Variants in JAK1 observed in about 807,000 individuals in gnomAD.
The protein encoded by JAK1 is tyrosine-protein kinase JAK1.
JAK1 carries 16 observed loss-of-function variants against 136.6 expected under a neutral mutation model. The observed-to-expected ratio is 0.12, with a 90% CI of 0.08 to 0.18. The LOEUF (loss-of-function observed/expected upper bound fraction) is 0.18. Ranked by LOEUF, JAK1 falls within the 10% of genes least tolerant of loss-of-function variation. The pLI is 1.00. For missense variants in JAK1, 859 were observed against 1,450.1 expected (o/e 0.59, Z 6.62); for synonymous variants, 492 against 519.5 (o/e 0.95, Z 0.72).
chr1:65,062,486 G>A lies in JAK1; in HGVS notation c.-181+5118C>T, dbSNP rs553678475. ...GATTTTCAAATTCCCTTAATGGACAGCTAAAGGAGCCAATACCAAAGACTT... is the reference window on the plus strand; with the variant it reads ...GATTTTCAAATTCCCTTAATGGACAACTAAAGGAGCCAATACCAAAGACTT... On this transcript the variant is annotated intron_variant, in intron 1 of 25. Transcript: ENST00000671954. Among the ~76,000 whole-genome samples the A allele has an allele frequency of 3.3e-5, 5 of 152,314 alleles. No individual in the cohort carries two copies. The East Asian group carries it at 9.6e-4, about 29-fold the overall frequency.
rs541915122 is a variant in JAK1, at chr1:64,961,082, G to A, written c.-78+5251C>T. On this transcript the variant is annotated intron_variant, in intron 1 of 24. Transcript: ENST00000342505. ...CTTGCCTCTGAGAACATGTCTTCCT[G>A]TATTCATCCACTTAACAACTCTTGC... is the stretch of plus-strand genomic sequence containing the variant. Among the ~76,000 whole-genome samples the A allele has an allele frequency of 5.9e-5, 9 of 152,194 alleles. 1 individual carries two copies. The South Asian group carries it at 1.9e-3, about 32-fold the overall frequency.
intron 1 of JAK1, among the ~76,000 whole-genome samples, chr1:65,064,102 A>C (rs1207889179): frequency 6.6e-6 from 1 of 152,190 alleles, no homozygotes; most frequent in Non-Finnish European, 1.5e-5. Context: ...CCCAATTCTA[A>C]ATTTTCATCA....
chr1:64,855,448 G>T, intron 11 of JAK1, 61 bp downstream of exon 11: 2 of 1,504,530 alleles, frequency 1.3e-6, no homozygotes, highest in Non-Finnish European at 1.8e-6. Context: ...TGTTTTGGTC[G>T]ATCTGGGTCT....
chr1:64,988,485 T>A (rs1351511865), intron 2 of JAK1, among the ~76,000 whole-genome samples: 1 of 152,012 alleles, frequency 6.6e-6, no homozygotes, highest in African/African-American at 2.4e-5. Flanking sequence ...GTCCCCCCCA[T>A]AGAAACTCAA....
intron 1 of JAK1, among the ~76,000 whole-genome samples, chr1:64,913,665 A>AAGGAAGGAAGGAAGGG (rs1645330252): frequency 4.0e-5 from 1 of 24,826 alleles, no homozygotes; most frequent in African/African-American, 1.1e-4. Flanking sequence ...AGAAGGAAGG[A>AAGGAAGGAAGGAAGGG]AGGAAGGAAG....
rs1025119821 is a variant in JAK1 at position 64,860,847 on chromosome 1, T to A, written c.1177-585A>T. 7.3e-5 allele frequency among the ~76,000 whole-genome samples: 11 copies of A among 150,716 alleles called. No individual in the cohort carries two copies. The East Asian group carries it at 1.7e-3, about 24-fold the overall frequency. On this transcript the variant is annotated intron_variant, in intron 8 of 24. Transcript: ENST00000342505. The stretch of plus-strand genomic sequence containing the variant: ...GACTCTGTGTGTGTGTGTGTGTGTG[T>A]GTGTGTGTGTGTGTTGGGGGTGACG...
chr1:64,860,826 CTGTGTGTGTG>C (rs72032330), intron 8 of JAK1, among the ~76,000 whole-genome samples: 2 of 120,574 alleles, frequency 1.7e-5, no homozygotes, highest in African/African-American at 3.0e-5. Context: ...TCAGATGACT[CTGTGTGTGTG>C]TGTGTGTGTG....
In JAK1 at chr1:64,902,583, A is replaced by AGAGAGAGAGAGAGAGAGAGAGAGAGAGT; in HGVS notation, c.-77-16243_-77-16242insACTCTCTCTCTCTCTCTCTCTCTCTCTC. Among the ~76,000 whole-genome samples the AGAGAGAGAGAGAGAGAGAGAGAGAGAGT allele has an allele frequency of 7.5e-4, 55 of 73,776 alleles. 1 individual carries two copies. The highest frequency in any genetic ancestry group is 3.1e-3 in the African/African-American group (50 of 16,200). 48.4% of individuals were successfully genotyped at this position (73,776 alleles called of 152,430 possible). A position where few individuals can be genotyped will look rare whatever the true frequency, so the allele number is the denominator to read the frequency against. On this transcript the variant is annotated intron_variant, in intron 1 of 24. Transcript: ENST00000342505. ...GAGAGAGAGAGAGAGAGAGAGAGAG[A>AGAGAGAGAGAGAGAGAGAGAGAGAGAGT]GTGTGTGTGTGTGTGTGTGTGTGTG...
intron 1 of JAK1, among the ~76,000 whole-genome samples, chr1:65,054,754 G>GT: frequency 7.4e-6 from 1 of 135,188 alleles, no homozygotes; most frequent in South Asian, 2.9e-4. Context: ...TTTTCTCATT[G>GT]TTTTTAATAT....
chr1:64,879,282 G>T, intron 3 of JAK1, 134 bp from the exon 4 acceptor site: 1 of 1,008,092 alleles, frequency 9.9e-7, no homozygotes, highest in Non-Finnish European at 1.4e-6. Context: ...TCCTCTTAGG[G>T]CAAACAGACT....
chr1:64,855,062 T>C (rs969443689), intron 11 of JAK1, among the ~76,000 whole-genome samples: 8 of 152,208 alleles, frequency 5.3e-5, no homozygotes, highest in African/African-American at 1.9e-4. Context: ...CTCATTTACC[T>C]GTAACATCAG....
At chr1:64,908,907 C>T (rs1570751099) in intron 1 of JAK1, among the ~76,000 whole-genome samples, 1 of 152,110 alleles carries the variant, frequency 6.6e-6, no homozygotes, top group East Asian at 1.9e-4. Flanking sequence ...TCTCAGAAAG[C>T]TCTATCATCA....
rs1201845023 is a variant in JAK1 at position 64,869,347 on chromosome 1, T to A, written c.611A>T (p.Lys204Met). ...VLAISHYAMM[K>M]KMQLPELPKD... ...GGGCAGTTCTGGCAACTGCATCTTC[T>A]TCATCATGGCATAGTGTGAGATGGC... The change falls in exon 6 of 25, where the codon AAG (lysine) becomes ATG (methionine). Residue 204 changes from lysine (K) to methionine (M), a missense_variant. Around this residue, in one of 4 missense-constraint regions of JAK1, gnomAD observed 353 missense variants for 494.0 expected, o/e 0.71. Transcript: ENST00000342505. 3.7e-6 allele frequency: 6 copies of A among 1,614,024 alleles called. No homozygotes were observed. Among genetic ancestry groups the A allele is most frequent in the Middle Eastern group, 1.6e-4 (1 of 6,084 alleles).
At chr1:64,895,059 T>A (rs991854605) in intron 1 of JAK1, among the ~76,000 whole-genome samples, 1 of 152,054 alleles carries the variant, frequency 6.6e-6, no homozygotes, top group African/African-American at 2.4e-5. Context: ...CTGTGCCACC[T>A]CTCACTCCTC....
chr1:64,970,525 G>A (rs1557736084), upstream of JAK1, among the ~76,000 whole-genome samples: 3 of 151,922 alleles, frequency 2.0e-5, no homozygotes, highest in Admixed American at 6.6e-5. Flanking sequence ...GGAGGCCAAG[G>A]CAGGTGGATC....
rs775201185 is a variant in JAK1 at position 64,844,845 on chromosome 1, G to A, written c.2160C>T (p.Leu720=). Residue 720 remains leucine, a synonymous_variant, in exon 16 of 25, where the codon CTC becomes CTT. Coordinates refer to ENST00000342505, the MANE Select transcript of JAK1 (RefSeq NM_002227.4). This position sits in a 1 kb window ranked among gnomAD's most constrained non-coding sequence, Gnocchi z 5.7. ...LVHGNVCTKN[L]LLAREGIDSE... ...TGTCGATGCCCTCACGGGCCAGGAG[G>A]AGGTTTTTAGTACACACATTTCCAT... is the stretch of plus-strand genomic sequence containing the variant. 4.3e-6 allele frequency: 7 copies of A among 1,614,232 alleles called. No individual in the cohort carries two copies. Among genetic ancestry groups the A allele is most frequent in the Non-Finnish European group, 5.9e-6 (7 of 1,180,050 alleles).
intron 2 of JAK1, among the ~76,000 whole-genome samples, chr1:65,004,697 C>A (rs1046298700): frequency 1.3e-5 from 2 of 152,296 alleles, no homozygotes; most frequent in African/African-American, 4.8e-5. Context: ...AATTCTTTTA[C>A]GTGTTGTCTG....
At chr1:64,930,048 C>T (rs1018392941) in intron 1 of JAK1, among the ~76,000 whole-genome samples, 1 of 152,178 alleles carries the variant, frequency 6.6e-6, no homozygotes, top group African/African-American at 2.4e-5. Context: ...GGATTAAAGA[C>T]TTAAACGTTA....
At chr1:64,839,118 C>G (rs1468043490) in intron 20 of JAK1, among the ~76,000 whole-genome samples, 1 of 135,204 alleles carries the variant, frequency 7.4e-6, no homozygotes. Context: ...TGCAGTCCAG[C>G]CTGGGCCACA....
Sources: allele counts gnomAD v4.1 joint callset (sites outside exome capture counted in the v4.1 genomes callset), GRCh38; gene constraint gnomAD v4.1.1; regional missense constraint gnomAD v4.1.1; non-coding constraint Gnocchi (gnomAD v3.1); transcripts MANE v1.5; gene names NCBI Gene and HGNC (gene_info 2026-07-23, HGNC 2026-07-21).